Variants in CEP131 observed in about 807,000 individuals in gnomAD.
The protein encoded by CEP131 is centrosomal protein of 131 kDa.
A neutral mutation model predicts 136.8 loss-of-function variants in CEP131; 99 were observed. The observed-to-expected ratio is 0.72, with a 90% CI of 0.62 to 0.86. CEP131 has a LOEUF of 0.86. CEP131 is among the 40% of genes least tolerant of loss of function. The probability of loss-of-function intolerance (pLI) is 0.00; values close to 1 mark genes in which losing one functional copy is unlikely to be tolerated. For missense variants in CEP131, 1,459 were observed against 1,463.0 expected (o/e 1.00, Z 0.04); for synonymous variants, 646 against 612.7 (o/e 1.05, Z -0.80).
Position 81,191,345 on chromosome 17 carries a change from C to A in CEP131, c.2623-10G>T, listed in dbSNP as rs781134184. The A allele has an allele frequency of 9.9e-6, 16 of 1,612,440 alleles. 1 individual carries two copies. Among genetic ancestry groups the A allele is most frequent in the Middle Eastern group, 1.7e-4 (1 of 6,058 alleles). Reference sequence around the variant, plus strand: ...TCAGCAGCCACGCCTCCTGGGGGGACATGCGCTGCCTGGGGGTTGCCACCC... The same window carrying A: ...TCAGCAGCCACGCCTCCTGGGGGGAAATGCGCTGCCTGGGGGTTGCCACCC... On this transcript the variant is annotated splice_polypyrimidine_tract_variant and intron_variant, in intron 21 of 25. Coordinates refer to ENST00000450824, the MANE Select transcript of CEP131 (RefSeq NM_014984.4).
intron 19 of CEP131, 51 bp downstream of exon 19, chr17:81,192,685 G>GGGGGGGGGCGGCCCC: frequency 2.1e-6 from 1 of 478,436 alleles, no homozygotes; most frequent in Non-Finnish European, 4.1e-6. Flanking sequence ...GGGGGGAGGG[G>GGGGGGGGGCGGCCCC]TCAGCCAGCG....
intron 15 of CEP131, 79 bp from the exon 16 acceptor site, chr17:81,196,030 C>G: frequency 8.1e-7 from 1 of 1,236,458 alleles, no homozygotes. Flanking sequence ...ACCCTCCCAG[C>G]CTCCGAGGGA....
rs546228476 is a variant in CEP131, at chr17:81,213,135, G to A, written c.178-4113C>T. On this transcript the variant is annotated intron_variant, in intron 2 of 25. Coordinates refer to ENST00000450824, the MANE Select transcript of CEP131 (RefSeq NM_014984.4). ...GATGGGCAATGACACAGGGACCCAG[G>A]AGCCACCTGAAAGTTCCCAGTGGCC... Among the ~76,000 whole-genome samples the A allele has an allele frequency of 5.9e-5, 9 of 152,346 alleles. No individual in the cohort carries two copies. The South Asian group carries it at 1.9e-3, about 32-fold the overall frequency.
chr17:81,191,365 C>T, intron 21 of CEP131, 30 bp from the exon 22 acceptor site: 1 of 1,611,270 alleles, frequency 6.2e-7, no homozygotes. Context: ...CTGGGGGTTG[C>T]CACCCGGAGC....
Position 81,204,060 on chromosome 17 carries a change from A to AG in CEP131, c.516-454dup, listed in dbSNP as rs2061952411. 5 of 159,458 alleles carry AG rather than the reference A, an allele frequency of 3.1e-5. No homozygotes were observed. In the South Asian group the frequency reaches 8.9e-4, roughly 28 times the overall value. 9.9% of individuals were successfully genotyped at this position (159,458 alleles called of 1,614,324 possible). On this transcript the variant is annotated intron_variant, in intron 5 of 25. Transcript: ENST00000450824. ...AGGAGGGATGGGGAGACTGCAGGAA[A>AG]GGGGCATCTGCAGACCTGGAGGATT...
intron 2 of CEP131, among the ~76,000 whole-genome samples, chr17:81,214,190 T>C (rs2062193317): frequency 6.6e-6 from 1 of 152,272 alleles, no homozygotes; most frequent in African/African-American, 2.4e-5. Flanking sequence ...CTGGGTGCGG[T>C]ACAGGGGAAC....
chr17:81,191,678 C>G (rs2061645286), intron 21 of CEP131, among the ~76,000 whole-genome samples: 1 of 152,176 alleles, frequency 6.6e-6, no homozygotes, highest in Non-Finnish European at 1.5e-5. Context: ...CCCAGGCATT[C>G]AGAGCCTAAG....
chr17:81,205,493 GGGA>G (rs1567869169), intron 5 of CEP131, among the ~76,000 whole-genome samples: 2 of 47,308 alleles, frequency 4.2e-5, no homozygotes, highest in Admixed American at 3.8e-4. Flanking sequence ...GCAGCGGGAG[GGGA>G]GGTAGGAGGG....
intron 15 of CEP131, among the ~76,000 whole-genome samples, chr17:81,196,420 T>C (rs1364169543): frequency 6.6e-6 from 1 of 152,158 alleles, no homozygotes; most frequent in Non-Finnish European, 1.5e-5. Context: ...CTAGGTCTCT[T>C]CTCTTCAGAA....
chr17:81,191,337 T>TC lies in CEP131; in HGVS notation c.2623-3_2623-2insG, dbSNP rs1206670333. The TC allele has an allele frequency of 2.3e-5, 37 of 1,612,318 alleles. No individual in the cohort carries two copies. Among genetic ancestry groups the TC allele is most frequent in the Non-Finnish European group, 2.7e-5 (32 of 1,179,606 alleles). On this transcript the variant is annotated splice_region_variant and splice_polypyrimidine_tract_variant and intron_variant, in intron 21 of 25. Coordinates refer to ENST00000450824, the MANE Select transcript of CEP131 (RefSeq NM_014984.4). ...TTCCCGGTTCAGCAGCCACGCCTCC[T>TC]GGGGGGACATGCGCTGCCTGGGGGT...
chr17:81,194,289 G>T (rs1037961524), intron 17 of CEP131, among the ~76,000 whole-genome samples, 162 bp from the exon 18 acceptor site: 1 of 152,164 alleles, frequency 6.6e-6, no homozygotes, highest in African/African-American at 2.4e-5. Context: ...CGCCCACGAG[G>T]TGGGGAAGAG....
intron 2 of CEP131, among the ~76,000 whole-genome samples, chr17:81,210,298 G>A (rs2062103762): frequency 1.3e-5 from 2 of 152,210 alleles, no homozygotes; most frequent in African/African-American, 2.4e-5. Flanking sequence ...ACCGCCGGGC[G>A]CGGTGGTTCA....
Position 81,206,592 on chromosome 17 carries a change from C to G in CEP131, c.515+152G>C, listed in dbSNP as rs1171757205. 8 of 1,160,846 alleles carry G rather than the reference C, an allele frequency of 6.9e-6. No homozygotes were observed. The African/African-American group carries it at 1.1e-4, about 16-fold the overall frequency. 71.9% of individuals were successfully genotyped at this position (1,160,846 alleles called of 1,614,324 possible). A position where few individuals can be genotyped will look rare whatever the true frequency, so the allele number is the denominator to read the frequency against. ...GCCACCTGGCAGCCTCCTGCCTATGCCCTTGGGAATGAAAGCCATTCTTTC... is the reference window on the plus strand; with the variant it reads ...GCCACCTGGCAGCCTCCTGCCTATGGCCTTGGGAATGAAAGCCATTCTTTC... On this transcript the variant is annotated intron_variant, in intron 5 of 25. Transcript: ENST00000450824.
At chr17:81,200,173 C>G in intron 8 of CEP131, 156 bp downstream of exon 8, 2 of 663,180 alleles carry the variant, frequency 3.0e-6, no homozygotes, top group Admixed American at 5.9e-5. Flanking sequence ...CCTGACTGTC[C>G]GCGGGGACCC....
chr17:81,192,635 A>T (rs2061666849), intron 19 of CEP131, 42 bp from the exon 20 acceptor site: 1 of 1,337,006 alleles, frequency 7.5e-7, no homozygotes, highest in Non-Finnish European at 1.0e-6. Flanking sequence ...GTCATCGAGT[A>T]AGGAGTCAGG....
At chr17:81,202,161 T>TGTG (rs2146593791) in intron 7 of CEP131, 79 bp downstream of exon 7, 12 of 546,308 alleles carry the variant, frequency 2.2e-5, no homozygotes, top group Non-Finnish European at 3.0e-5. Flanking sequence ...CTCGGAGGTG[T>TGTG]GAGCCCCCCA....
rs2061945452 is a variant in CEP131, at chr17:81,203,723, C to T, written c.516-116G>A. 6 of 744,986 alleles carry T rather than the reference C, an allele frequency of 8.1e-6. No individual in the cohort carries two copies. Among genetic ancestry groups the T allele is most frequent in the Non-Finnish European group, 1.1e-5 (5 of 455,254 alleles). The allele number at this position is 744,986 out of a possible 1,614,324, so 46.1% of individuals were successfully genotyped here. A position where few individuals can be genotyped will look rare whatever the true frequency, so the allele number is the denominator to read the frequency against. ...GAACAAAGGCCTTCAGTGCTTGCTA[C>T]GTGCTGGCAGCATTGTCGTCCAGTG... is the stretch of plus-strand genomic sequence containing the variant. On this transcript the variant is annotated intron_variant, in intron 5 of 25. Transcript: ENST00000450824. This position sits in a 1 kb window ranked among gnomAD's most constrained non-coding sequence, Gnocchi z 4.6.
chr17:81,198,275 G>C lies in CEP131; in HGVS notation c.1310C>G (p.Ala437Gly). Residue 437 changes from alanine (A) to glycine (G), a missense_variant, in exon 12 of 26, where the codon GCT becomes GGT. Physicochemically the swap from Ala to Gly is moderately conservative, Grantham distance 60 (BLOSUM62 0). Transcript: ENST00000450824. ...GGCCATCATCTCCAGGTTGTCCCCAGCTGCATCCTGGGCAAGAACGTCCTG... is the reference window on the plus strand; with the variant it reads ...GGCCATCATCTCCAGGTTGTCCCCACCTGCATCCTGGGCAAGAACGTCCTG... ...RTQDVLAQDA[A>G]GDNLEMMAPS... is the part of the protein sequence containing the mutation. The C allele has an allele frequency of 6.2e-7, 1 of 1,603,014 alleles. No individual in the cohort carries two copies. Among genetic ancestry groups the C allele is most frequent in the Non-Finnish European group, 8.5e-7 (1 of 1,174,858 alleles).
At chr17:81,198,848 G>A (rs2061825602) in intron 11 of CEP131, 29 bp downstream of exon 11, 6 of 1,555,560 alleles carry the variant, frequency 3.9e-6, no homozygotes, top group Non-Finnish European at 5.2e-6. Context: ...CAAAAACCAT[G>A]ATGGAGTGAA....
Sources: allele counts gnomAD v4.1 joint callset (sites outside exome capture counted in the v4.1 genomes callset), GRCh38; gene constraint gnomAD v4.1.1; non-coding constraint Gnocchi (gnomAD v3.1); transcripts MANE v1.5; gene names NCBI Gene and HGNC (gene_info 2026-07-23, HGNC 2026-07-21).